Variants in ANK2 observed in about 807,000 individuals in gnomAD.
ANK2 encodes the protein ankyrin 2.
A neutral mutation model predicts 360.5 loss-of-function variants in ANK2; 83 were observed. The ratio of observed to expected loss-of-function variants is 0.23; its 90% confidence interval spans 0.19 to 0.28. The LOEUF is 0.28. Among genes scored for constraint, ANK2 ranks in the 10% least tolerant of loss-of-function variants. The probability of loss-of-function intolerance (pLI) is 1.00; values close to 1 mark genes in which losing one functional copy is unlikely to be tolerated. For synonymous variants in ANK2, 1,740 were observed against 1,759.5 expected, an observed-to-expected ratio of 0.99 and a Z score of 0.28; for missense variants, 4,201 against 4,795.7, an observed-to-expected ratio of 0.88 and a Z score of 3.66.
At chr4:112,725,938 A>T in the ANK2 span, among the ~76,000 whole-genome samples, 1 of 152,202 alleles carries the variant, frequency 6.6e-6, no homozygotes, top group Non-Finnish European at 1.5e-5. Flanking sequence ...ATAAAAATTT[A>T]AAATATCAGG....
the ANK2 span, among the ~76,000 whole-genome samples, chr4:112,711,686 G>T: frequency 6.6e-6 from 1 of 151,864 alleles, no homozygotes; most frequent in Non-Finnish European, 1.5e-5. Context: ...CGGGTGTAGT[G>T]GAGGGCACCT....
At chr4:112,910,343 A>G (rs2086695693) in intron 2 of ANK2, among the ~76,000 whole-genome samples, 1 of 152,182 alleles carries the variant, frequency 6.6e-6, no homozygotes, top group Non-Finnish European at 1.5e-5. Flanking sequence ...AAGAGTTGCA[A>G]ATCTTATAGG....
At chr4:112,746,668 T>A in the ANK2 span, among the ~76,000 whole-genome samples, 11 of 152,220 alleles carry the variant, frequency 7.2e-5, no homozygotes, top group Non-Finnish European at 5.9e-5. Context: ...AAATAAAATT[T>A]GGTTTCATCT....
intron 2 of ANK2, among the ~76,000 whole-genome samples, chr4:112,913,739 A>C (rs2088616189): frequency 6.6e-6 from 1 of 152,192 alleles, no homozygotes; most frequent in African/African-American, 2.4e-5. Context: ...TTGTTCAGTA[A>C]CTTGAAAGCC....
chr4:113,020,072 T>C (rs1163861582), intron 2 of ANK2, among the ~76,000 whole-genome samples: 1 of 152,238 alleles, frequency 6.6e-6, no homozygotes, highest in East Asian at 1.9e-4. Context: ...ATGCTTATCA[T>C]TTTAAAAAGC....
At chr4:113,174,226 A>G (rs1025748318) in intron 1 of ANK2, among the ~76,000 whole-genome samples, 190 bp from the exon 2 acceptor site, 2 of 152,212 alleles carry the variant, frequency 1.3e-5, no homozygotes. Flanking sequence ...GTACTTAGAC[A>G]ACTCTCTAGA....
At chr4:113,359,466 C>T (rs2096060385) in intron 38 of ANK2, among the ~76,000 whole-genome samples, 167 bp downstream of exon 38, 2 of 152,072 alleles carry the variant, frequency 1.3e-5, no homozygotes, top group African/African-American at 4.8e-5. Context: ...TCTCTGTATA[C>T]TCTTGTCTAA....
At chr4:113,168,727 T>C (rs1046912344) in intron 1 of ANK2, among the ~76,000 whole-genome samples, 1 of 152,200 alleles carries the variant, frequency 6.6e-6, no homozygotes, top group African/African-American at 2.4e-5. Context: ...TTCTAAAAAA[T>C]CCTAGTATAT....
chr4:112,948,464 A>C (rs1484142399), intron 2 of ANK2, among the ~76,000 whole-genome samples: 2 of 152,178 alleles, frequency 1.3e-5, no homozygotes, highest in Non-Finnish European at 2.9e-5. Flanking sequence ...GCCCTGATGA[A>C]GGAAGAGACA....
At chr4:113,139,753 C>T (rs1260318108) in intron 1 of ANK2, among the ~76,000 whole-genome samples, 1 of 152,088 alleles carries the variant, frequency 6.6e-6, no homozygotes, top group Non-Finnish European at 1.5e-5. Flanking sequence ...GAGTAGCCTT[C>T]GGAAAGCTAT....
chr4:112,718,932 C>T, the ANK2 span, among the ~76,000 whole-genome samples: 2 of 69,102 alleles, frequency 2.9e-5, no homozygotes, highest in African/African-American at 1.5e-4. Context: ...CCACCGCACC[C>T]GGTCGCATGA....
intron 26 of ANK2, among the ~76,000 whole-genome samples, chr4:113,327,680 G>A (rs1169439621): frequency 1.3e-5 from 2 of 152,178 alleles, no homozygotes; most frequent in East Asian, 3.9e-4. Context: ...TGTGGACTTA[G>A]TCATTTCTCA....
At chr4:113,122,567 C>T (rs2095429839) in intron 1 of ANK2, among the ~76,000 whole-genome samples, 1 of 152,138 alleles carries the variant, frequency 6.6e-6, no homozygotes, top group South Asian at 2.1e-4. Flanking sequence ...CCAGAAACCA[C>T]ATTAACATAA....
rs377427242 is a variant in ANK2 at position 113,131,677 on chromosome 4, CA to C, written c.85-42736del. On this transcript the variant is annotated intron_variant, in intron 1 of 45. Coordinates refer to ENST00000357077, the MANE Select transcript of ANK2 (RefSeq NM_001148.6). ...TACTTTATACACTCCTAAGTGGAGACAAACCTGTGAAACAGAACACCAAAGG... is the reference window on the plus strand; with the variant it reads ...TACTTTATACACTCCTAAGTGGAGACAACCTGTGAAACAGAACACCAAAGG... Among the ~76,000 whole-genome samples, 38 of 152,288 alleles carry C rather than the reference CA, an allele frequency of 2.5e-4. 1 individual carries two copies. In the East Asian group the frequency reaches 3.5e-3, roughly 14 times the overall value.
chr4:113,225,288 A>G (rs902622071), intron 4 of ANK2, among the ~76,000 whole-genome samples: 2 of 152,084 alleles, frequency 1.3e-5, no homozygotes, highest in African/African-American at 4.8e-5. Context: ...AAATTATAGT[A>G]TGTCTGGAGC....
chr4:113,274,721 TAC>T, intron 15 of ANK2, 72 bp downstream of exon 15: 1 of 1,512,524 alleles, frequency 6.6e-7, no homozygotes, highest in Non-Finnish European at 9.1e-7. Context: ...CTCTACCACA[TAC>T]AGAATCAAGA....
At chr4:112,919,425 T>G (rs1036530154) in intron 2 of ANK2, among the ~76,000 whole-genome samples, 1 of 152,164 alleles carries the variant, frequency 6.6e-6, no homozygotes, top group Non-Finnish European at 1.5e-5. Context: ...TTAGTGTCGG[T>G]TGAAGTCCAA....
At chr4:113,030,253 T>C (rs11938726) in intron 2 of ANK2, among the ~76,000 whole-genome samples, 35,003 of 152,036 alleles carry the variant, frequency 0.23, 4,587 homozygotes, top group East Asian at 0.45. Context: ...GAGAATGGAA[T>C]GTCTTATGTG....
intron 15 of ANK2, among the ~76,000 whole-genome samples, chr4:113,277,270 A>G (rs974820105): frequency 1.3e-5 from 2 of 152,196 alleles, no homozygotes; most frequent in African/African-American, 4.8e-5. Context: ...GAAAGGGGAC[A>G]AGTCAGGATG....
Sources: gnomAD v4.1 joint callset for allele counts (sites outside exome capture counted in the v4.1 genomes callset) on GRCh38, gnomAD v4.1.1 for gene constraint, MANE v1.5 for transcripts, NCBI Gene and HGNC (gene_info 2026-07-23, HGNC 2026-07-21) for gene names.